The following RERE variants were observed in gnomAD, a reference collection of about 807,000 sequenced individuals.
RERE encodes arginine-glutamic acid dipeptide repeats.
A neutral mutation model predicts 146.1 loss-of-function variants in RERE; 40 were observed. The ratio of observed to expected loss-of-function variants is 0.27; its 90% confidence interval spans 0.21 to 0.36. RERE has a LOEUF of 0.36. Ranked by LOEUF, RERE falls within the 10% of genes least tolerant of loss-of-function variation. RERE has a pLI of 1.00. For synonymous variants in RERE, 1,003 were observed against 866.0 expected, an observed-to-expected ratio of 1.16 and a Z score of -2.78; for missense variants, 1,933 against 2,138.7, an observed-to-expected ratio of 0.90 and a Z score of 1.90.
chr1:8,596,449 T>A (rs1646556056), intron 4 of RERE, among the ~76,000 whole-genome samples: 1 of 152,194 alleles, frequency 6.6e-6, no homozygotes, highest in Non-Finnish European at 1.5e-5. Flanking sequence ...TCCAGTGAAT[T>A]GCACTGATAT....
Position 8,624,384 on chromosome 1 carries a change from T to TA in RERE, c.326-5dup. On this transcript the variant is annotated splice_region_variant and splice_polypyrimidine_tract_variant and intron_variant, in intron 2 of 22. Transcript: ENST00000400908. ...CGACTCTCGATATACACACAGTCTT[T>TA]AAAAGAAAAAGAAATTTTAAAACAA... 2 of 1,605,688 alleles carry TA rather than the reference T, an allele frequency of 1.2e-6. No individual in the cohort carries two copies. Among genetic ancestry groups the TA allele is most frequent in the Non-Finnish European group, 1.7e-6 (2 of 1,174,638 alleles).
intron 4 of RERE, among the ~76,000 whole-genome samples, chr1:8,598,341 C>G (rs1422006771): frequency 6.6e-6 from 1 of 152,172 alleles, no homozygotes; most frequent in Non-Finnish European, 1.5e-5. Flanking sequence ...AGTTAACCAC[C>G]TATGAGAAGA....
Position 8,497,507 on chromosome 1 carries a change from G to A in RERE, c.902C>T (p.Pro301Leu), listed in dbSNP as rs1336882357. Residue 301 changes from proline (P) to leucine (L), a missense_variant, in exon 9 of 23, where the codon CCA (proline) becomes CTA (leucine). Around this residue, in one of 11 missense-constraint regions of RERE, gnomAD observed 260 missense variants for 378.4 expected, o/e 0.69. Transcript: ENST00000400908. Reference protein sequence around the residue: ...SHQAKLPDLQPFPSPDGDTVT... With the variant: ...SHQAKLPDLQLFPSPDGDTVT... The stretch of plus-strand genomic sequence containing the variant: ...TGTATCACCATCTGGAGAAGGAAAT[G>A]GTTGCAGATCTGGAAGTTTGGCCTG... The A allele has an allele frequency of 3.1e-6, 5 of 1,614,070 alleles. No individual in the cohort carries two copies. Among genetic ancestry groups the A allele is most frequent in the Non-Finnish European group, 4.2e-6 (5 of 1,179,970 alleles).
intron 4 of RERE, among the ~76,000 whole-genome samples, chr1:8,558,611 A>G (rs1341115757): frequency 6.6e-6 from 1 of 152,196 alleles, no homozygotes; most frequent in Non-Finnish European, 1.5e-5. Context: ...TCATTAATGA[A>G]GGAAGATGCT....
At chr1:8,586,127 G>A (rs12075894) in intron 4 of RERE, among the ~76,000 whole-genome samples, 1 of 152,110 alleles carries the variant, frequency 6.6e-6, no homozygotes. Flanking sequence ...AGATTATCTA[G>A]GTCAAATGAC....
chr1:8,384,941 C>T (rs1311813710), intron 12 of RERE, among the ~76,000 whole-genome samples: 1 of 152,216 alleles, frequency 6.6e-6, no homozygotes, highest in Non-Finnish European at 1.5e-5. Flanking sequence ...CAAGGACAAT[C>T]TAAAATTGAA....
At chr1:8,490,088 C>A (rs1339235191) in intron 10 of RERE, among the ~76,000 whole-genome samples, 1 of 149,466 alleles carries the variant, frequency 6.7e-6, no homozygotes, top group Non-Finnish European at 1.5e-5. Context: ...ACAGAACAGG[C>A]GCAGTGGCTC....
chr1:8,773,256 A>C (rs1278002613), intron 1 of RERE, among the ~76,000 whole-genome samples: 1 of 152,218 alleles, frequency 6.6e-6, no homozygotes, highest in African/African-American at 2.4e-5. Flanking sequence ...TAAAGATCTA[A>C]AAGTCAAAAC....
At chr1:8,470,564 T>C (rs1644669324) in intron 10 of RERE, among the ~76,000 whole-genome samples, 2 of 151,988 alleles carry the variant, frequency 1.3e-5, no homozygotes, top group East Asian at 1.9e-4. Context: ...CAAAGAGATA[T>C]TTCTTGAATG....
chr1:8,781,104 T>A (rs1557539088), intron 1 of RERE, among the ~76,000 whole-genome samples: 4 of 151,570 alleles, frequency 2.6e-5, no homozygotes, highest in East Asian at 3.9e-4. Flanking sequence ...ACACATGCAA[T>A]CCCAGCACTT....
At chr1:8,550,863 A>G (rs1645927251) in intron 6 of RERE, among the ~76,000 whole-genome samples, 1 of 152,068 alleles carries the variant, frequency 6.6e-6, no homozygotes, top group Non-Finnish European at 1.5e-5. Context: ...AGGATTTTTA[A>G]ATGTTTTAAG....
At position 8,361,157 on chromosome 1, in the gene RERE, C is replaced by A; in HGVS notation, c.2350G>T (p.Ala784Ser). 5 of 1,449,144 alleles carry A rather than the reference C, an allele frequency of 3.5e-6. No individual in the cohort carries two copies. Among genetic ancestry groups the A allele is most frequent in the Non-Finnish European group, 4.5e-6 (5 of 1,106,520 alleles). The allele number at this position is 1,449,144 out of a possible 1,614,324, so 89.8% of individuals were successfully genotyped here. The change falls in exon 18 of 23, where the codon GCC becomes TCC. Residue 784 changes from alanine (A) to serine (S), a missense_variant. Ala to Ser is a moderately conservative substitution (Grantham distance 99). Coordinates refer to ENST00000400908, the MANE Select transcript of RERE (RefSeq NM_001042681.2). ...GTGGGAGCCTGTGGCTGGTTAGGGG[C>A]CTGGGAGGCCGTGGGGGAGCCCTGT... ...PPQGSPTASQ[A>S]PNQPQAPTAP...
intron 10 of RERE, among the ~76,000 whole-genome samples, chr1:8,471,163 T>A (rs1644679174): frequency 6.6e-6 from 1 of 152,154 alleles, no homozygotes; most frequent in Non-Finnish European, 1.5e-5. Flanking sequence ...TGTTATGGAC[T>A]ACAACAGCTT....
chr1:8,621,447 G>C (rs1227722933), intron 3 of RERE, among the ~76,000 whole-genome samples: 3 of 152,100 alleles, frequency 2.0e-5, no homozygotes, highest in Non-Finnish European at 4.4e-5. Context: ...ATTAGCTTTT[G>C]TTATCTTTAA....
intron 10 of RERE, among the ~76,000 whole-genome samples, chr1:8,468,550 A>G (rs1158723178): frequency 1.3e-5 from 2 of 152,244 alleles, no homozygotes; most frequent in East Asian, 3.8e-4. Context: ...TGGCAAAATT[A>G]ACAACTTTTA....
chr1:8,713,186 T>C (rs910361118), intron 1 of RERE, among the ~76,000 whole-genome samples: 3 of 152,180 alleles, frequency 2.0e-5, no homozygotes, highest in African/African-American at 7.2e-5. Context: ...GGAAAAACCA[T>C]AGTAACCAAT....
chr1:8,369,508 T>TAAAAAAAAAAAA lies in RERE; in HGVS notation c.1285-3546_1285-3535dup, dbSNP rs1186718390. Among the ~76,000 whole-genome samples, 179 of 76,844 alleles carry TAAAAAAAAAAAA rather than the reference T, an allele frequency of 2.3e-3. 3 individuals carry two copies. The highest frequency in any genetic ancestry group is 6.9e-3 in the African/African-American group (164 of 23,602). 50.4% of individuals were successfully genotyped at this position (76,844 alleles called of 152,430 possible). A position where few individuals can be genotyped will look rare whatever the true frequency, so the allele number is the denominator to read the frequency against. On this transcript the variant is annotated intron_variant, in intron 12 of 22. Coordinates refer to ENST00000400908, the MANE Select transcript of RERE (RefSeq NM_001042681.2). Reference sequence around the variant, plus strand: ...ATCGAATAAATCTTTCGCCTTTTACTAAAAAAAAAAAAAAAAAAAAAAAAA... The same window carrying TAAAAAAAAAAAA: ...ATCGAATAAATCTTTCGCCTTTTACTAAAAAAAAAAAAAAAAAAAAAAAAAAAAAAAAAAAAA...
chr1:8,609,299 G>C (rs1440387056), intron 4 of RERE, among the ~76,000 whole-genome samples: 2 of 152,208 alleles, frequency 1.3e-5, no homozygotes, highest in Non-Finnish European at 1.5e-5. Flanking sequence ...GAACAGAGCT[G>C]AAAGCAGGCC....
intron 1 of RERE, among the ~76,000 whole-genome samples, chr1:8,781,499 G>A (rs1181987960): frequency 5.3e-5 from 8 of 151,888 alleles, no homozygotes; most frequent in Non-Finnish European, 8.8e-5. Context: ...ATTCCAGCCT[G>A]GGCAACAGGG....
Sources: allele counts gnomAD v4.1 joint callset (sites outside exome capture counted in the v4.1 genomes callset), GRCh38; gene constraint gnomAD v4.1.1; regional missense constraint gnomAD v4.1.1; transcripts MANE v1.5; gene names NCBI Gene and HGNC (gene_info 2026-07-23, HGNC 2026-07-21).